Variants in KCNQ3 observed in about 807,000 individuals in gnomAD.
The protein encoded by KCNQ3 is potassium voltage-gated channel subfamily Q member 3.
A neutral mutation model predicts 92.5 loss-of-function variants in KCNQ3; 30 were observed. That is an observed-to-expected ratio of 0.32 (90% CI 0.24 to 0.44). The LOEUF is 0.44. Ranked by LOEUF, KCNQ3 falls within the 20% of genes least tolerant of loss-of-function variation. The pLI is 1.00. For missense variants in KCNQ3, 913 were observed against 1,140.3 expected (o/e 0.80, Z 2.87); for synonymous variants, 450 against 468.8 (o/e 0.96, Z 0.52).
chr8:132,282,151 G>T (rs1372626500), intron 1 of KCNQ3, among the ~76,000 whole-genome samples: 1 of 152,118 alleles, frequency 6.6e-6, no homozygotes, highest in Non-Finnish European at 1.5e-5. Context: ...AACACCATGA[G>T]ATAAAGAACT....
chr8:132,319,597 G>A (rs953709438), intron 1 of KCNQ3, among the ~76,000 whole-genome samples: 64 of 152,164 alleles, frequency 4.2e-4, no homozygotes, highest in African/African-American at 1.4e-4. Flanking sequence ...GCTGACCCTC[G>A]TCCGATGGCC....
intron 1 of KCNQ3, among the ~76,000 whole-genome samples, chr8:132,395,250 A>G (rs1820162601): frequency 6.6e-6 from 1 of 152,214 alleles, no homozygotes. Flanking sequence ...TCAAACATTT[A>G]TGATTTCTTT....
chr8:132,299,102 T>G (rs1817136864), intron 1 of KCNQ3, among the ~76,000 whole-genome samples: 1 of 151,512 alleles, frequency 6.6e-6, no homozygotes, highest in African/African-American at 2.4e-5. Context: ...TCTTTTTTTT[T>G]TCTTGGTTTA....
At chr8:132,266,268 C>T (rs1237116555) in intron 1 of KCNQ3, among the ~76,000 whole-genome samples, 1 of 152,248 alleles carries the variant, frequency 6.6e-6, no homozygotes, top group Non-Finnish European at 1.5e-5. Context: ...TATCAAACAA[C>T]GTAAATGATG....
At chr8:132,146,660 C>T (rs1222545747) in intron 9 of KCNQ3, among the ~76,000 whole-genome samples, 1 of 150,482 alleles carries the variant, frequency 6.6e-6, no homozygotes, top group Non-Finnish European at 1.5e-5. Flanking sequence ...ATGGTGTCAT[C>T]TTGGCTCACT....
intron 1 of KCNQ3, among the ~76,000 whole-genome samples, chr8:132,357,586 G>C (rs759003626): frequency 6.6e-6 from 1 of 152,206 alleles, no homozygotes; most frequent in Non-Finnish European, 1.5e-5. Context: ...GCCAAAAGGA[G>C]ATATGGGATG....
Position 132,406,289 on chromosome 8 carries a change from G to A in KCNQ3, c.386+73858C>T, listed in dbSNP as rs926736383. ...GCTTGGAATAGCAGTATTAGAAGGT[G>A]GGAAGGAGGGGACTCGGGAGGATGG... On this transcript the variant is annotated intron_variant, in intron 1 of 14. Coordinates refer to ENST00000388996, the MANE Select transcript of KCNQ3 (RefSeq NM_004519.4). Among the ~76,000 whole-genome samples the A allele has an allele frequency of 5.3e-5, 8 of 152,248 alleles. No homozygotes were observed. In the East Asian group the frequency reaches 1.5e-3, roughly 29 times the overall value.
chr8:132,234,900 C>T (rs1814762067), intron 1 of KCNQ3, among the ~76,000 whole-genome samples: 1 of 152,162 alleles, frequency 6.6e-6, no homozygotes, highest in African/African-American at 2.4e-5. Context: ...GCTGCAGGGT[C>T]TTCATTGCCT....
At chr8:132,365,935 G>T (rs1463835718) in intron 1 of KCNQ3, among the ~76,000 whole-genome samples, 3 of 152,184 alleles carry the variant, frequency 2.0e-5, no homozygotes, top group African/African-American at 7.2e-5. Flanking sequence ...GGAGGCTGAG[G>T]AGGGAGGATG....
At chr8:132,340,224 C>T (rs1320122331) in intron 1 of KCNQ3, among the ~76,000 whole-genome samples, 1 of 152,148 alleles carries the variant, frequency 6.6e-6, no homozygotes, top group Non-Finnish European at 1.5e-5. Context: ...GGATCTGGAA[C>T]CAGAAATACT....
At chr8:132,477,721 A>AGCT (rs1822448181) in intron 1 of KCNQ3, among the ~76,000 whole-genome samples, 2 of 152,130 alleles carry the variant, frequency 1.3e-5, no homozygotes, top group Non-Finnish European at 2.9e-5. Context: ...CCAGCCCCCA[A>AGCT]CTTGATTCTA....
chr8:132,172,648 G>A lies in KCNQ3; in HGVS notation c.1090C>T (p.Arg364Cys), dbSNP rs1459374430. The part of the protein sequence containing the change: ...GLALKVQEQH[R>C]QKHFEKRRKP... Reference sequence around the variant, plus strand: ...CTCCTTTTCTCAAAGTGCTTCTGACGGTGTTGCTCCTGCACCTTGAGGGCC... The same window carrying A: ...CTCCTTTTCTCAAAGTGCTTCTGACAGTGTTGCTCCTGCACCTTGAGGGCC... The change falls in exon 7 of 15, where the codon CGT (arginine) becomes TGT (cysteine). Residue 364 changes from arginine (R) to cysteine (C), a missense_variant. Physicochemically the swap from Arg to Cys is radical, Grantham distance 180. Around this residue, in one of 6 missense-constraint regions of KCNQ3, gnomAD observed 52 missense variants for 127.7 expected, o/e 0.41. Coordinates refer to ENST00000388996, the MANE Select transcript of KCNQ3 (RefSeq NM_004519.4). 1 of 1,613,988 alleles carries A rather than the reference G, an allele frequency of 6.2e-7. No individual in the cohort carries two copies. Among genetic ancestry groups the A allele is most frequent in the Non-Finnish European group, 8.5e-7 (1 of 1,180,026 alleles).
chr8:132,137,412 C>T (rs969479293), intron 12 of KCNQ3, among the ~76,000 whole-genome samples: 30 of 152,228 alleles, frequency 2.0e-4, no homozygotes, highest in African/African-American at 7.0e-4. Context: ...AGTATAAACA[C>T]GCAGGTGGAG....
At chr8:132,367,208 T>C (rs538854909) in intron 1 of KCNQ3, among the ~76,000 whole-genome samples, 3 of 152,348 alleles carry the variant, frequency 2.0e-5, no homozygotes, top group African/African-American at 7.2e-5. Flanking sequence ...CTGTATACAA[T>C]TGTTTTCTCT....
At chr8:132,260,226 A>C (rs1046777218) in intron 1 of KCNQ3, among the ~76,000 whole-genome samples, 1 of 152,208 alleles carries the variant, frequency 6.6e-6, no homozygotes, top group African/African-American at 2.4e-5. Context: ...AGAAGGTTGT[A>C]GAAAATTCAT....
At chr8:132,354,020 C>T (rs527441738) in intron 1 of KCNQ3, among the ~76,000 whole-genome samples, 5 of 152,182 alleles carry the variant, frequency 3.3e-5, no homozygotes, top group South Asian at 2.1e-4. Flanking sequence ...GTGGGGAACA[C>T]ACAGAGCAGG....
At chr8:132,309,164 C>T (rs1817519490) in intron 1 of KCNQ3, among the ~76,000 whole-genome samples, 1 of 152,150 alleles carries the variant, frequency 6.6e-6, no homozygotes, top group Non-Finnish European at 1.5e-5. Flanking sequence ...ATGCTTCCTG[C>T]CCTTGAACAT....
intron 1 of KCNQ3, among the ~76,000 whole-genome samples, chr8:132,357,593 G>A (rs955356333): frequency 2.0e-5 from 3 of 152,164 alleles, no homozygotes; most frequent in Non-Finnish European, 4.4e-5. Flanking sequence ...GGAGATATGG[G>A]ATGAGCGCAG....
At chr8:132,208,213 C>T (rs546906200) in intron 1 of KCNQ3, among the ~76,000 whole-genome samples, 3 of 152,174 alleles carry the variant, frequency 2.0e-5, no homozygotes, top group African/African-American at 7.2e-5. Flanking sequence ...ATATGCATGG[C>T]CTTATAAGGA....
Sources: gnomAD v4.1 joint callset for allele counts (sites outside exome capture counted in the v4.1 genomes callset) on GRCh38, gnomAD v4.1.1 for gene constraint, gnomAD v4.1.1 regional missense constraint, MANE v1.5 for transcripts, NCBI Gene and HGNC (gene_info 2026-07-23, HGNC 2026-07-21) for gene names.